SSH1: variants seen among roughly 807,000 people sequenced by gnomAD.
SSH1 encodes protein phosphatase Slingshot homolog 1.
SSH1 carries 43 observed loss-of-function variants against 79.7 expected under a neutral mutation model. The observed-to-expected ratio is 0.54, with a 90% CI of 0.42 to 0.70. SSH1 has a LOEUF of 0.70. Ranked by LOEUF, SSH1 falls within the 30% of genes least tolerant of loss-of-function variation. SSH1 has a pLI of 0.00. For missense variants in SSH1, 1,206 were observed against 1,358.8 expected (o/e 0.89, Z 1.77); for synonymous variants, 599 against 538.3 (o/e 1.11, Z -1.56).
rs751676949 is a variant in SSH1, at chr12:108,781,989, C to T, written c.*5999G>A. ...AATTAGCGGGGCAAGGTGGTGCACGCCTGTAGTCCCAGCTACTGGGGAGGC... is the reference window on the plus strand; with the variant it reads ...AATTAGCGGGGCAAGGTGGTGCACGTCTGTAGTCCCAGCTACTGGGGAGGC... On this transcript the variant is annotated 3_prime_UTR_variant, in exon 15 of 15. Coordinates refer to ENST00000326495, the MANE Select transcript of SSH1 (RefSeq NM_018984.4). 1 of 151,778 alleles carries T rather than the reference C, an allele frequency of 6.6e-6. No individual in the cohort carries two copies. Among genetic ancestry groups the T allele is most frequent in the Non-Finnish European group, 1.5e-5 (1 of 67,954 alleles). 9.4% of individuals were successfully genotyped at this position (151,778 alleles called of 1,614,324 possible).
At chr12:108,818,140 G>T in intron 4 of SSH1, 109 bp downstream of exon 4, 1 of 897,430 alleles carries the variant, frequency 1.1e-6, no homozygotes, top group Non-Finnish European at 1.8e-6. Flanking sequence ...TGAGGCTGTA[G>T]TGAGCTAAGA....
intron 14 of SSH1, among the ~76,000 whole-genome samples, chr12:108,789,629 G>A (rs1442361884): frequency 1.3e-5 from 2 of 152,170 alleles, no homozygotes; most frequent in African/African-American, 2.4e-5. Flanking sequence ...AAGAGTCCCA[G>A]GGGAGAGAGG....
intron 13 of SSH1, among the ~76,000 whole-genome samples, chr12:108,793,399 T>TC (rs2036602020): frequency 1.2e-5 from 1 of 82,266 alleles, no homozygotes; most frequent in Non-Finnish European, 2.9e-5. Flanking sequence ...TTATAATCCC[T>TC]TTTTTTTTTT....
rs1593008413 is a variant in SSH1 at position 108,792,587 on chromosome 12, T to G, written c.1592A>C (p.His531Pro). Residue 531 changes from histidine (H) to proline (P), a missense_variant, in exon 14 of 15, where the codon CAC becomes CCC. By Grantham distance (77) the His-to-Pro change is moderately conservative. This residue lies in a region of SSH1 where 709 missense variants were observed against 730.6 expected (regional missense o/e 0.97). Transcript: ENST00000326495. ...SPEDETGSLVHLEDPEREALL... is the reference protein window; with the variant it reads ...SPEDETGSLVPLEDPEREALL... ...AGCCTCCCTCTCCGGATCCTCCAGG[T>G]GGACCAAGCTGCCAGTTTCATCCTC... is the stretch of plus-strand genomic sequence containing the variant. 4 of 1,612,828 alleles carry G rather than the reference T, an allele frequency of 2.5e-6. No homozygotes were observed. Among genetic ancestry groups the G allele is most frequent in the Non-Finnish European group, 3.4e-6 (4 of 1,179,230 alleles).
chr12:108,810,099 G>A (rs1184100484), intron 6 of SSH1, among the ~76,000 whole-genome samples: 5 of 152,026 alleles, frequency 3.3e-5, no homozygotes, highest in East Asian at 3.9e-4. Flanking sequence ...CCACAGGCCC[G>A]GCCGTTCCTT....
Position 108,791,988 on chromosome 12 carries a change from C to A in SSH1, c.1893+298G>T, listed in dbSNP as rs1593005778. On this transcript the variant is annotated intron_variant, in intron 14 of 14. Transcript: ENST00000326495. ...AAAGAAATTGAGTTGGAAGCCCTGC[C>A]CAGGGTATGAATAAGGTACATGGGG... is the stretch of plus-strand genomic sequence containing the variant. 9 of 1,321,256 alleles carry A rather than the reference C, an allele frequency of 6.8e-6. No individual in the cohort carries two copies. The East Asian group carries it at 2.5e-4, about 37-fold the overall frequency. The allele number at this position is 1,321,256 out of a possible 1,614,324, so 81.8% of individuals were successfully genotyped here.
intron 2 of SSH1, chr12:108,826,466 G>C (rs958465595): frequency 4.7e-6 from 1 of 213,928 alleles, no homozygotes; most frequent in African/African-American, 2.4e-5. Context: ...TCCCGAAGCT[G>C]TGAGATCACC....
intron 5 of SSH1, among the ~76,000 whole-genome samples, chr12:108,816,820 T>C (rs2037909829): frequency 1.6e-4 from 2 of 12,366 alleles, no homozygotes; most frequent in Admixed American, 1.8e-3. Flanking sequence ...GTCCTCTCAA[T>C]TGACTGAGTT....
chr12:108,800,520 G>C (rs961745173), intron 12 of SSH1, among the ~76,000 whole-genome samples: 2 of 152,162 alleles, frequency 1.3e-5, no homozygotes, highest in Admixed American at 6.5e-5. Flanking sequence ...TCAAAGATAG[G>C]TGGGAGAGAC....
intron 7 of SSH1, among the ~76,000 whole-genome samples, chr12:108,808,700 T>A (rs1368831212): frequency 1.3e-5 from 2 of 152,218 alleles, no homozygotes; most frequent in African/African-American, 4.8e-5. Flanking sequence ...ATGCTTAGAT[T>A]TCTTAAGAAA....
At chr12:108,828,294 T>C (rs2038381597) in intron 2 of SSH1, among the ~76,000 whole-genome samples, 1 of 152,120 alleles carries the variant, frequency 6.6e-6, no homozygotes, top group Non-Finnish European at 1.5e-5. Context: ...CACATTACCA[T>C]GATTCTGGTT....
At chr12:108,819,974 G>C (rs995457117) in intron 3 of SSH1, among the ~76,000 whole-genome samples, 7 of 152,196 alleles carry the variant, frequency 4.6e-5, no homozygotes, top group Non-Finnish European at 8.8e-5. Flanking sequence ...CTGTCTCAGA[G>C]AGGAATTGGG....
chr12:108,855,340 G>C (rs865812982), intron 1 of SSH1, among the ~76,000 whole-genome samples: 6 of 152,144 alleles, frequency 3.9e-5, no homozygotes, highest in African/African-American at 1.4e-4. Flanking sequence ...AGGGAGAATG[G>C]GGCAGGGGGA....
At chr12:108,853,682 A>G (rs2039089259) in intron 1 of SSH1, among the ~76,000 whole-genome samples, 1 of 152,154 alleles carries the variant, frequency 6.6e-6, no homozygotes, top group Non-Finnish European at 1.5e-5. Context: ...CCAGCACTGC[A>G]GGAGGCCGAG....
chr12:108,823,013 C>A (rs1230863625), intron 3 of SSH1, among the ~76,000 whole-genome samples: 1 of 152,224 alleles, frequency 6.6e-6, no homozygotes, highest in Non-Finnish European at 1.5e-5. Flanking sequence ...GAGAGGAAAT[C>A]TTTGCATCCC....
intron 2 of SSH1, among the ~76,000 whole-genome samples, chr12:108,847,748 G>A (rs1028686374): frequency 2.6e-5 from 4 of 152,120 alleles, no homozygotes; most frequent in Non-Finnish European, 5.9e-5. Context: ...GTGAGCCACC[G>A]TGCCCAGCCA....
In SSH1 at chr12:108,787,393, T is replaced by C. The variant is rs139913935; in HGVS notation, c.*595A>G. The C allele has an allele frequency of 7.2e-4, 114 of 157,492 alleles. 1 individual carries two copies. In the South Asian group the frequency reaches 0.01, roughly 14 times the overall value. 9.8% of individuals were successfully genotyped at this position (157,492 alleles called of 1,614,324 possible). ...TCTGATGACTTTACTCAGCAGTGCT[T>C]GGGGCTGTCGGGTTAAAAGTCTTGA... On this transcript the variant is annotated 3_prime_UTR_variant, in exon 15 of 15. Coordinates refer to ENST00000326495, the MANE Select transcript of SSH1 (RefSeq NM_018984.4).
In SSH1 at chr12:108,828,582, G is replaced by A. The variant is rs115128763; in HGVS notation, c.111-5221C>T. 8.8e-3 allele frequency among the ~76,000 whole-genome samples: 1,343 copies of A among 152,302 alleles called. 23 individuals are homozygous for A. The highest frequency in any genetic ancestry group is 0.031 in the African/African-American group (1,296 of 41,556). ...GTGAATGCATCATGCGTGGGAAAGA[G>A]AGAGAAGGAACCATTCAAGCAAACA... On this transcript the variant is annotated intron_variant, in intron 2 of 14. Coordinates refer to ENST00000326495, the MANE Select transcript of SSH1 (RefSeq NM_018984.4).
chr12:108,788,250 C>T lies in SSH1; in HGVS notation c.2888G>A (p.Arg963Gln), dbSNP rs371610314. 7 of 1,613,658 alleles carry T rather than the reference C, an allele frequency of 4.3e-6. No individual in the cohort carries two copies. Among genetic ancestry groups the T allele is most frequent in the African/African-American group, 4.0e-5 (3 of 74,858 alleles). The change falls in exon 15 of 15, where the codon CGG (arginine) becomes CAG (glutamine). Residue 963 changes from arginine to glutamine, a missense_variant. Around this residue, in one of 5 missense-constraint regions of SSH1, gnomAD observed 709 missense variants for 730.6 expected, o/e 0.97. Coordinates refer to ENST00000326495, the MANE Select transcript of SSH1 (RefSeq NM_018984.4). ...QRTQEIETRL[R>Q]LAGLTVSSPL... ...GGAAGAGACGGTGAGGCCCGCCAGC[C>T]GGAGCCGGGTCTCAATCTCCTGTGT...
Sources: gnomAD v4.1 joint callset for allele counts (sites outside exome capture counted in the v4.1 genomes callset) on GRCh38, gnomAD v4.1.1 for gene constraint, gnomAD v4.1.1 regional missense constraint, MANE v1.5 for transcripts, NCBI Gene and HGNC (gene_info 2026-07-23, HGNC 2026-07-21) for gene names.